EIF2AK1: variants seen among roughly 807,000 people sequenced by gnomAD.
The protein encoded by EIF2AK1 is eukaryotic translation initiation factor 2 alpha kinase 1, also known as eukaryotic translation initiation factor 2-alpha kinase 1.
A neutral mutation model predicts 77.9 loss-of-function variants in EIF2AK1; 54 were observed. The ratio of observed to expected loss-of-function variants is 0.69; its 90% confidence interval spans 0.56 to 0.87. The LOEUF (loss-of-function observed/expected upper bound fraction) is 0.87, where lower values mean the gene tolerates loss of function less well. Ranked by LOEUF, EIF2AK1 falls within the 40% of genes least tolerant of loss-of-function variation. The probability of loss-of-function intolerance (pLI) is 0.00; values close to 1 mark genes in which losing one functional copy is unlikely to be tolerated. For synonymous variants in EIF2AK1, 314 were observed against 290.5 expected (o/e 1.08, Z -0.82); for missense variants, 810 against 768.6 (o/e 1.05, Z -0.64).
intron 1 of EIF2AK1, chr7:6,058,175 C>T (rs1209915212): frequency 2.9e-5 from 13 of 455,040 alleles, no homozygotes; most frequent in Admixed American, 2.1e-4. Context: ...TTTGGAAGGC[C>T]GAGGCGGGAG....
intron 2 of EIF2AK1, among the ~76,000 whole-genome samples, chr7:6,052,269 T>G (rs1788629577): frequency 6.6e-6 from 1 of 151,946 alleles, no homozygotes; most frequent in Admixed American, 6.6e-5. Context: ...TTTAATCATG[T>G]ACAAGATTAC....
rs1378784326 is a variant in EIF2AK1 at position 6,038,887 on chromosome 7, G to A, written c.1120-216C>T. Among the ~76,000 whole-genome samples the A allele has an allele frequency of 2.6e-5, 4 of 152,130 alleles. No homozygotes were observed. In the South Asian group the frequency reaches 8.3e-4, roughly 32 times the overall value. On this transcript the variant is annotated intron_variant, in intron 9 of 14. Coordinates refer to ENST00000199389, the MANE Select transcript of EIF2AK1 (RefSeq NM_014413.4). ...GTCTAATGAAAGTGACAGATAAGGA[G>A]ACTGATAATTAAAACCGGGTGTTGT... is the stretch of plus-strand genomic sequence containing the variant.
chr7:6,027,073 A>G lies in EIF2AK1; in HGVS notation c.1531-112T>C. ...AGAGGGTTTCTAAGAATGAGGATAT[A>G]CGGTCACCCACAAGGAAGGGAACAG... On this transcript the variant is annotated intron_variant, in intron 13 of 14. Coordinates refer to ENST00000199389, the MANE Select transcript of EIF2AK1 (RefSeq NM_014413.4). The surrounding 1 kb of genome is among the most constrained non-coding windows in gnomAD (Gnocchi z 4.5). The G allele has an allele frequency of 1.2e-6, 1 of 842,878 alleles. No individual in the cohort carries two copies. The highest frequency in any genetic ancestry group is 1.9e-6 in the Non-Finnish European group (1 of 524,318). 52.2% of individuals were successfully genotyped at this position (842,878 alleles called of 1,614,324 possible). A position where few individuals can be genotyped will look rare whatever the true frequency, so the allele number is the denominator to read the frequency against.
intron 13 of EIF2AK1, among the ~76,000 whole-genome samples, chr7:6,028,306 C>G (rs1787808742): frequency 6.6e-6 from 1 of 150,888 alleles, no homozygotes; most frequent in Admixed American, 6.6e-5. Context: ...GGATGGAGTG[C>G]AATGGTGCAA....
intron 7 of EIF2AK1, 143 bp from the exon 8 acceptor site, chr7:6,043,136 T>G (rs975464854): frequency 6.3e-6 from 5 of 798,246 alleles, no homozygotes; most frequent in Non-Finnish European, 1.0e-5. Context: ...TACAAAAAGT[T>G]TATTCAAATG....
In EIF2AK1 at chr7:6,023,553, C is replaced by G. The variant is rs368295654; in HGVS notation, c.*1120G>C. ...CTTGGCTCGCTGGGAATGAACTCACCGTAGCAGACGTGGTGCTGTGGTCTG... is the reference window on the plus strand; with the variant it reads ...CTTGGCTCGCTGGGAATGAACTCACGGTAGCAGACGTGGTGCTGTGGTCTG... On this transcript the variant is annotated 3_prime_UTR_variant, in exon 15 of 15. Coordinates refer to ENST00000199389, the MANE Select transcript of EIF2AK1 (RefSeq NM_014413.4). 1 of 1,614,096 alleles carries G rather than the reference C, an allele frequency of 6.2e-7. No homozygotes were observed. The highest frequency in any genetic ancestry group is 1.3e-5 in the African/African-American group (1 of 74,932).
intron 5 of EIF2AK1, 114 bp downstream of exon 5, chr7:6,046,878 C>G (rs561146293): frequency 2.0e-6 from 2 of 989,596 alleles, no homozygotes; most frequent in Non-Finnish European, 2.9e-6. Flanking sequence ...TCCAGCCTGG[C>G]GACAGAGCGA....
Position 6,037,434 on chromosome 7 carries a change from C to T in EIF2AK1, c.1322G>A (p.Arg441Gln), listed in dbSNP as rs920441959. The T allele has an allele frequency of 3.1e-6, 5 of 1,608,526 alleles. No homozygotes were observed. The highest frequency in any genetic ancestry group is 2.7e-5 in the African/African-American group (2 of 74,696). ...FYIHNMGIVH[R>Q]DLKPRNIFLH... ...ATCGCCCCCACTTACCTTCAGATCT[C>T]GGTGCACAATTCCCATGTTATGTAT... The change falls in exon 11 of 15, where the codon CGA becomes CAA. Residue 441 changes from arginine to glutamine, a missense_variant. By Grantham distance (43) the Arg-to-Gln change is conservative (BLOSUM62 1). This residue lies in a region of EIF2AK1 where 549 missense variants were observed against 533.7 expected (regional missense o/e 1.03). Transcript: ENST00000199389.
intron 5 of EIF2AK1, 87 bp downstream of exon 5, chr7:6,046,905 A>G (rs1562754939): frequency 1.7e-5 from 21 of 1,267,266 alleles, no homozygotes; most frequent in Non-Finnish European, 2.2e-5. Context: ...ATCTCAAAAA[A>G]ATAAATAAAT....
rs572563775 is a variant in EIF2AK1, at chr7:6,036,254, C to T, written c.1332+1170G>A. On this transcript the variant is annotated intron_variant, in intron 11 of 14. Coordinates refer to ENST00000199389, the MANE Select transcript of EIF2AK1 (RefSeq NM_014413.4). This position sits in a 1 kb window ranked among gnomAD's most constrained non-coding sequence, Gnocchi z 4.6. ...TAAAGCAATCGCAAAAACCTTTATC[C>T]CTACAGGGTATCTGCAAAAGAAACA... 1 of 1,550,018 alleles carries T rather than the reference C, an allele frequency of 6.5e-7. No individual in the cohort carries two copies.
In EIF2AK1 at chr7:6,033,917, T is replaced by G. The variant is rs1227633938; in HGVS notation, c.1332+3507A>C. On this transcript the variant is annotated intron_variant, in intron 11 of 14. Transcript: ENST00000199389. The surrounding 1 kb of genome is among the most constrained non-coding windows in gnomAD (Gnocchi z 4.4). ...ACTCTCCACTAGAAGGTAAGCCGCA[T>G]GAAAGAGAAGTTGACCTTGTGCACC... 1.3e-5 allele frequency among the ~76,000 whole-genome samples: 2 copies of G among 151,998 alleles called. No homozygotes were observed. The highest frequency in any genetic ancestry group is 6.6e-5 in the Admixed American group (1 of 15,246).
rs991958757 is a variant in EIF2AK1, at chr7:6,055,627, A to C, written c.119-923T>G. 4.6e-5 allele frequency among the ~76,000 whole-genome samples: 7 copies of C among 151,288 alleles called. No individual in the cohort carries two copies. In the Admixed American group the frequency reaches 4.6e-4, roughly 10 times the overall value. ...ACAGACGAGTTGGCACTAAGGCTGAAGGTCGTTAAGTTCTCACTTACTGTT... is the reference window on the plus strand; with the variant it reads ...ACAGACGAGTTGGCACTAAGGCTGACGGTCGTTAAGTTCTCACTTACTGTT... On this transcript the variant is annotated intron_variant, in intron 1 of 14. Transcript: ENST00000199389.
intron 2 of EIF2AK1, among the ~76,000 whole-genome samples, chr7:6,054,184 C>A (rs1483123376): frequency 1.3e-5 from 2 of 150,380 alleles, no homozygotes; most frequent in African/African-American, 4.9e-5. Context: ...TAAGTGAGAA[C>A]AGCAACACAG....
rs981784963 is a variant in EIF2AK1 at position 6,039,672 on chromosome 7, T to C, written c.1120-1001A>G. On this transcript the variant is annotated intron_variant, in intron 9 of 14. Coordinates refer to ENST00000199389, the MANE Select transcript of EIF2AK1 (RefSeq NM_014413.4). ...AGGCTTGGTAGGATGCAGTGGCTCA[T>C]GCCTGTAATCCCAGCACTTTGGGAG... 8.0e-5 allele frequency among the ~76,000 whole-genome samples: 11 copies of C among 137,162 alleles called. 1 individual carries two copies. The highest frequency in any genetic ancestry group is 2.4e-4 in the African/African-American group (9 of 37,680). The allele number at this position is 137,162 out of a possible 152,430, so 90.0% of individuals were successfully genotyped here.
At position 6,024,801 on chromosome 7, in the gene EIF2AK1, C is replaced by A. The variant is rs1490453513; in HGVS notation, c.1765G>T (p.Val589Phe). 4.0e-6 allele frequency: 6 copies of A among 1,516,532 alleles called. No homozygotes were observed. Among genetic ancestry groups the A allele is most frequent in the Non-Finnish European group, 5.3e-6 (6 of 1,137,462 alleles). 93.9% of individuals were successfully genotyped at this position (1,516,532 alleles called of 1,614,324 possible). ...ATCTTCATCTGTAGGGTGAGGTTAA[C>A]CTGTAAGGAGAAAATATTTTAAACT... ...QSELFQNSGNVNLTLQMKIIE... is the reference protein window; with the variant it reads ...QSELFQNSGNFNLTLQMKIIE... The change falls in exon 15 of 15, where the codon GTT becomes TTT. Residue 589 changes from valine (V) to phenylalanine (F), a missense_variant and splice_region_variant. By Grantham distance (50) the Val-to-Phe change is conservative. This residue lies in a region of EIF2AK1 where 549 missense variants were observed against 533.7 expected (regional missense o/e 1.03). Transcript: ENST00000199389.
At chr7:6,052,133 C>A (rs1473539084) in intron 2 of EIF2AK1, among the ~76,000 whole-genome samples, 1 of 146,108 alleles carries the variant, frequency 6.8e-6, no homozygotes, top group Non-Finnish European at 1.5e-5. Context: ...GATCGCACTA[C>A]CGCACTCCAG....
rs756425703 is a variant in EIF2AK1 at position 6,023,356 on chromosome 7, G to A, written c.*1317C>T. ...CCAGACGATGTGCCCCATCGAAGGC[G>A]AAGGGAACATTGCACGTTTCTTGTT... On this transcript the variant is annotated 3_prime_UTR_variant, in exon 15 of 15. Coordinates refer to ENST00000199389, the MANE Select transcript of EIF2AK1 (RefSeq NM_014413.4). 47 of 1,612,764 alleles carry A rather than the reference G, an allele frequency of 2.9e-5. No homozygotes were observed. The highest frequency in any genetic ancestry group is 6.7e-5 in the African/African-American group (5 of 74,836).
At chr7:6,030,022 G>C (rs66482438) in intron 11 of EIF2AK1, among the ~76,000 whole-genome samples, 43,765 of 152,026 alleles carry the variant, frequency 0.29, 7,293 homozygotes, top group East Asian at 0.47. Flanking sequence ...GTCGAGTCCA[G>C]AGACGTGATT....
chr7:6,058,030 C>T, intron 1 of EIF2AK1: 1 of 405,598 alleles, frequency 2.5e-6, no homozygotes. Context: ...GACTCTTTCA[C>T]CTAGTTAGAG....
Sources: gnomAD v4.1 joint callset for allele counts (sites outside exome capture counted in the v4.1 genomes callset) on GRCh38, gnomAD v4.1.1 for gene constraint, gnomAD v4.1.1 regional missense constraint, Gnocchi (gnomAD v3.1) non-coding constraint, MANE v1.5 for transcripts, NCBI Gene and HGNC (gene_info 2026-07-23, HGNC 2026-07-21) for gene names.